COL22A1: variants seen among roughly 807,000 people sequenced by gnomAD.
COL22A1 encodes the protein collagen alpha-1(XXII) chain.
COL22A1 carries 221 observed loss-of-function variants against 248.9 expected under a neutral mutation model. The ratio of observed to expected loss-of-function variants is 0.89; its 90% CI spans 0.80 to 0.99. The LOEUF is 0.99. Among genes scored for constraint, COL22A1 ranks in the 50% least tolerant of loss-of-function variants. COL22A1 has a pLI of 0.00. For missense variants in COL22A1, 2,240 were observed against 2,179.0 expected, an observed-to-expected ratio of 1.03 and a Z score of -0.56; for synonymous variants, 891 against 793.4, an observed-to-expected ratio of 1.12 and a Z score of -2.07.
At chr8:138,782,471 C>A (rs764354551) in intron 12 of COL22A1, among the ~76,000 whole-genome samples, 9 of 152,222 alleles carry the variant, frequency 5.9e-5, no homozygotes, top group Non-Finnish European at 1.0e-4. Flanking sequence ...ACCTCCTTGG[C>A]CTCCCAAAGT....
chr8:138,883,280 A>C, intron 1 of COL22A1, 36 bp from the exon 2 acceptor site: 2 of 1,166,454 alleles, frequency 1.7e-6, no homozygotes, highest in Non-Finnish European at 2.4e-6. Flanking sequence ...GAAGGCTCTC[A>C]AGCTGAAAGT....
chr8:138,844,233 A>C, intron 3 of COL22A1, 75 bp from the exon 4 acceptor site: 1 of 1,332,770 alleles, frequency 7.5e-7, no homozygotes, highest in Non-Finnish European at 1.1e-6. Context: ...ATGACAGCAC[A>C]CAAGACCCCA....
intron 27 of COL22A1, 58 bp downstream of exon 27, chr8:138,720,681 C>A: frequency 7.2e-7 from 1 of 1,387,424 alleles, no homozygotes; most frequent in African/African-American, 1.4e-5. Flanking sequence ...TCACACACCA[C>A]CCCAAATAGA....
chr8:138,760,302 GA>G lies in COL22A1; in HGVS notation c.1858-16del. 1 of 1,598,016 alleles carries G rather than the reference GA, an allele frequency of 6.3e-7. No individual in the cohort carries two copies. The highest frequency in any genetic ancestry group is 8.5e-7 in the Non-Finnish European group (1 of 1,172,538). On this transcript the variant is annotated splice_polypyrimidine_tract_variant and intron_variant, in intron 17 of 64. Transcript: ENST00000303045. Reference sequence around the variant, plus strand: ...CCGGGCCTGCCCTGGAGGAAAGAAAGAAAAGGCAGATTATGATGGGCACTAC... The same window carrying G: ...CCGGGCCTGCCCTGGAGGAAAGAAAGAAAGGCAGATTATGATGGGCACTAC...
chr8:138,812,061 T>TG, intron 8 of COL22A1, 140 bp from the exon 9 acceptor site: 1 of 1,065,180 alleles, frequency 9.4e-7, no homozygotes. Context: ...CCTGAGGCCT[T>TG]GGGGCAGAAA....
chr8:138,650,234 G>C (rs1316996665), intron 45 of COL22A1, among the ~76,000 whole-genome samples: 1 of 152,168 alleles, frequency 6.6e-6, no homozygotes, highest in Non-Finnish European at 1.5e-5. Flanking sequence ...CCGTCAAGTG[G>C]TTTCTGAACA....
At chr8:138,707,730 T>C (rs111717490) in intron 30 of COL22A1, among the ~76,000 whole-genome samples, 6 of 152,064 alleles carry the variant, frequency 3.9e-5, no homozygotes, top group African/African-American at 1.4e-4. Context: ...TGGCACAAGA[T>C]AGGGATGCCC....
At chr8:138,739,043 G>C (rs79678909) in intron 22 of COL22A1, among the ~76,000 whole-genome samples, 1 of 152,232 alleles carries the variant, frequency 6.6e-6, no homozygotes, top group Non-Finnish European at 1.5e-5. Context: ...CTTCTAAACA[G>C]TGCCTCCCTT....
intron 53 of COL22A1, among the ~76,000 whole-genome samples, chr8:138,617,399 T>C (rs1259004985): frequency 6.6e-6 from 1 of 152,078 alleles, no homozygotes; most frequent in Non-Finnish European, 1.5e-5. Context: ...CCTGTGGCCA[T>C]TGCTGGTCCT....
intron 63 of COL22A1, among the ~76,000 whole-genome samples, chr8:138,592,738 TCG>T: frequency 1.0e-5 from 1 of 96,062 alleles, no homozygotes; most frequent in South Asian, 3.0e-4. Context: ...TCCTAATCGG[TCG>T]GACAGGAGTG....
intron 30 of COL22A1, among the ~76,000 whole-genome samples, chr8:138,706,942 T>G (rs1828512959): frequency 2.0e-5 from 3 of 152,088 alleles, no homozygotes; most frequent in African/African-American, 7.2e-5. Context: ...CAATAAAAAA[T>G]GATAAAGGGG....
intron 1 of COL22A1, among the ~76,000 whole-genome samples, chr8:138,891,391 T>G (rs1825059071): frequency 6.6e-6 from 1 of 152,324 alleles, no homozygotes; most frequent in South Asian, 2.1e-4. Flanking sequence ...ACCCTAGTAA[T>G]GACAGCTGGT....
chr8:138,607,940 G>A lies in COL22A1; in HGVS notation c.4028C>T (p.Thr1343Ile). ...TAGCAGCCAAAGAGAACTCACAGGGGTTCCTGAAGGGCCAGGCTCTCCTGG... is the reference window on the plus strand; with the variant it reads ...TAGCAGCCAAAGAGAACTCACAGGGATTCCTGAAGGGCCAGGCTCTCCTGG... The part of the protein sequence containing the change: ...GSPGEPGPSG[T>I]PGQKGSKGEN... Residue 1343 changes from threonine to isoleucine, a missense_variant, in exon 57 of 65, where the codon ACC (threonine) becomes ATC (isoleucine). Transcript: ENST00000303045. 1 of 1,613,986 alleles carries A rather than the reference G, an allele frequency of 6.2e-7. No homozygotes were observed. Among genetic ancestry groups the A allele is most frequent in the Non-Finnish European group, 8.5e-7 (1 of 1,179,928 alleles).
At chr8:138,619,604 G>A (rs1271214775) in intron 52 of COL22A1, 96 bp from the exon 53 acceptor site, 1 of 1,199,124 alleles carries the variant, frequency 8.3e-7, no homozygotes, top group Non-Finnish European at 1.2e-6. Flanking sequence ...ATTCCCACAA[G>A]CCAGTTTCTA....
intron 1 of COL22A1, among the ~76,000 whole-genome samples, chr8:138,895,647 A>AG (rs1216027213): frequency 6.6e-6 from 1 of 152,040 alleles, no homozygotes; most frequent in African/African-American, 2.4e-5. Flanking sequence ...CTGGAAAAAA[A>AG]AGTGAGCAGA....
At chr8:138,700,947 T>C (rs1216692174) in intron 31 of COL22A1, among the ~76,000 whole-genome samples, 1 of 129,846 alleles carries the variant, frequency 7.7e-6, no homozygotes, top group Non-Finnish European at 1.5e-5. Context: ...ATCACGCCAC[T>C]GCACTCCATC....
intron 3 of COL22A1, among the ~76,000 whole-genome samples, chr8:138,848,834 G>T (rs1460580440): frequency 1.3e-5 from 2 of 152,198 alleles, no homozygotes; most frequent in African/African-American, 4.8e-5. Context: ...CATCTAGGAA[G>T]AGATACGGTG....
At chr8:138,806,308 A>G in intron 10 of COL22A1, among the ~76,000 whole-genome samples, 1 of 144,534 alleles carries the variant, frequency 6.9e-6, no homozygotes, top group African/African-American at 2.6e-5. Flanking sequence ...GTGATGTTGT[A>G]TTATGGGGTG....
At position 138,760,227 on chromosome 8, in the gene COL22A1, C is replaced by A. The variant is rs1833350680; in HGVS notation, c.1902+16G>T. On this transcript the variant is annotated intron_variant, in intron 18 of 64. Transcript: ENST00000303045. ...GCCCAGGGCACAGAGCCCTTGACAG[C>A]CCCAGGCTCGCTCACCTTTTCTCCC... 6.4e-7 allele frequency: 1 copy of A among 1,562,740 alleles called. No individual in the cohort carries two copies. The highest frequency in any genetic ancestry group is 2.4e-5 in the East Asian group (1 of 41,850).
Sources: allele counts gnomAD v4.1 joint callset (sites outside exome capture counted in the v4.1 genomes callset), GRCh38; gene constraint gnomAD v4.1.1; transcripts MANE v1.5; gene names NCBI Gene and HGNC (gene_info 2026-07-23, HGNC 2026-07-21).